PCDHGA11: variants seen among roughly 807,000 people sequenced by gnomAD.
PCDHGA11 encodes protocadherin gamma-A11.
In PCDHGA11, 39 loss-of-function variants were observed where a neutral mutation model predicts 60.4. The observed-to-expected ratio is 0.65, with a 90% CI of 0.50 to 0.84. PCDHGA11 has a LOEUF of 0.84. PCDHGA11 is among the 40% of genes least tolerant of loss of function. The pLI is 0.00. For missense variants in PCDHGA11, 1,165 were observed against 1,197.7 expected (o/e 0.97, Z 0.40); for synonymous variants, 533 against 510.3 (o/e 1.04, Z -0.60).
chr5:141,465,858 C>T (rs2099110865), intron 1 of PCDHGA11, among the ~76,000 whole-genome samples: 1 of 152,034 alleles, frequency 6.6e-6, no homozygotes, highest in African/African-American at 2.4e-5. Context: ...CCCAGTGGCT[C>T]ATGCCTGTAA....
intron 1 of PCDHGA11, among the ~76,000 whole-genome samples, chr5:141,456,052 C>T (rs2098841739): frequency 1.3e-5 from 2 of 151,970 alleles, no homozygotes; most frequent in South Asian, 4.1e-4. Flanking sequence ...CGCCCACCAC[C>T]ACGTCCGGCT....
At position 141,476,791 on chromosome 5, in the gene PCDHGA11, C is replaced by A. The variant is rs766227340; in HGVS notation, c.2434-18016C>A. 1 of 1,613,512 alleles carries A rather than the reference C, an allele frequency of 6.2e-7. No individual in the cohort carries two copies. Among genetic ancestry groups the A allele is most frequent in the Non-Finnish European group, 8.5e-7 (1 of 1,180,014 alleles). On this transcript the variant is annotated intron_variant, in intron 1 of 3. Transcript: ENST00000398587. This position sits in a 1 kb window ranked among gnomAD's most constrained non-coding sequence, Gnocchi z 7.6. ...TGGACGGAGGGACCCCAGCTCTCTC[C>A]GCCAGCCTGCCTATTCACATCAAGG...
intron 2 of PCDHGA11, 106 bp downstream of exon 2, chr5:141,494,971 C>T (rs1244836841): frequency 1.3e-6 from 2 of 1,583,382 alleles, no homozygotes; most frequent in African/African-American, 1.3e-5. Context: ...ATGGCTTCTC[C>T]CTCAGTTTGA....
intron 1 of PCDHGA11, among the ~76,000 whole-genome samples, chr5:141,451,804 C>G (rs914303400): frequency 9.2e-5 from 14 of 151,946 alleles, no homozygotes; most frequent in African/African-American, 3.4e-4. Context: ...TTGCTTGAAC[C>G]CAGGAGGCGG....
At chr5:141,496,249 A>G (rs1385823714) in intron 2 of PCDHGA11, among the ~76,000 whole-genome samples, 1 of 152,078 alleles carries the variant, frequency 6.6e-6, no homozygotes, top group East Asian at 1.9e-4. Context: ...GCTGAAGGGG[A>G]GGGAAACTTC....
In PCDHGA11 at chr5:141,423,642, T is replaced by C. The variant is rs1293550754; in HGVS notation, c.2415T>C (p.Cys805=). Residue 805 remains cysteine (C), a synonymous_variant, in exon 1 of 4, where the codon TGT becomes TGC. Coordinates refer to ENST00000398587, the MANE Select transcript of PCDHGA11 (RefSeq NM_018914.3). Reference sequence around the variant, plus strand: ...ACTCAGCTATCATTTTAGGCAAATGTGACCCGACAAGTAATCAGGTGAGAT... The same window carrying C: ...ACTCAGCTATCATTTTAGGCAAATGCGACCCGACAAGTAATCAGGTGAGAT... The part of the protein sequence containing the change: ...AEDSAIILGK[C]DPTSNQQAPP... 2 of 1,596,770 alleles carry C rather than the reference T, an allele frequency of 1.3e-6. No individual in the cohort carries two copies. The highest frequency in any genetic ancestry group is 2.7e-5 in the African/African-American group (2 of 74,276).
rs1337141924 is a variant in PCDHGA11, at chr5:141,512,916, CTAATATT to C, written c.*1746_*1752del. On this transcript the variant is annotated 3_prime_UTR_variant, in exon 4 of 4. Coordinates refer to ENST00000398587, the MANE Select transcript of PCDHGA11 (RefSeq NM_018914.3). The stretch of plus-strand genomic sequence containing the variant: ...CTGTGTCTCACGCAAGTTTTATACT[CTAATATT>C]TATATGGCTTTTTTTCTTCGACAAA... The C allele has an allele frequency of 1.3e-5, 2 of 152,206 alleles. No homozygotes were observed. Among genetic ancestry groups the C allele is most frequent in the Non-Finnish European group, 2.9e-5 (2 of 68,046 alleles). The allele number at this position is 152,206 out of a possible 1,614,324, so 9.4% of individuals were successfully genotyped here.
rs1297208780 is a variant in PCDHGA11 at position 141,486,613 on chromosome 5, T to C, written c.2434-8194T>C. 2 of 1,613,658 alleles carry C rather than the reference T, an allele frequency of 1.2e-6. No individual in the cohort carries two copies. The highest frequency in any genetic ancestry group is 2.7e-5 in the African/African-American group (2 of 75,074). On this transcript the variant is annotated intron_variant, in intron 1 of 3. Coordinates refer to ENST00000398587, the MANE Select transcript of PCDHGA11 (RefSeq NM_018914.3). The surrounding 1 kb of genome is among the most constrained non-coding windows in gnomAD (Gnocchi z 5.0). ...ACCTGCTTTGCTCCCTTGCAGCCTC[T>C]GACCCAGACTCTGGCTTGAATGCGC...
At position 141,476,749 on chromosome 5, in the gene PCDHGA11, G is replaced by C; in HGVS notation, c.2434-18058G>C. On this transcript the variant is annotated intron_variant, in intron 1 of 3. Transcript: ENST00000398587. The surrounding 1 kb of genome is among the most constrained non-coding windows in gnomAD (Gnocchi z 7.6). ...ACCGAGAACGGGAGCCTAGTCTCCA[G>C]TTAGTGCTGACGGCGTTGGACGGAG... is the stretch of plus-strand genomic sequence containing the variant. 1.9e-6 allele frequency: 3 copies of C among 1,614,042 alleles called. No homozygotes were observed. The highest frequency in any genetic ancestry group is 2.5e-6 in the Non-Finnish European group (3 of 1,180,038).
rs994878374 is a variant in PCDHGA11, at chr5:141,491,785, C to T, written c.2434-3022C>T. ...TCCTCATAAGGGATTGAACTTGCAT[C>T]CACTCCTCTCCGGCCGGCTTGGTCG... is the stretch of plus-strand genomic sequence containing the variant. On this transcript the variant is annotated intron_variant, in intron 1 of 3. Transcript: ENST00000398587. The surrounding 1 kb of genome is among the most constrained non-coding windows in gnomAD (Gnocchi z 6.9). 20 of 1,529,458 alleles carry T rather than the reference C, an allele frequency of 1.3e-5. No individual in the cohort carries two copies. Among genetic ancestry groups the T allele is most frequent in the Non-Finnish European group, 1.8e-5 (20 of 1,139,198 alleles). The allele number at this position is 1,529,458 out of a possible 1,614,324, so 94.7% of individuals were successfully genotyped here. A position where few individuals can be genotyped will look rare whatever the true frequency, so the allele number is the denominator to read the frequency against.
chr5:141,490,200 A>G lies in PCDHGA11; in HGVS notation c.2434-4607A>G. 6.2e-6 allele frequency: 10 copies of G among 1,614,198 alleles called. No homozygotes were observed. The highest frequency in any genetic ancestry group is 8.5e-6 in the Non-Finnish European group (10 of 1,180,032). ...AGTCACGTTTCTATGAAATTCATGC[A>G]AGAGCCCGTGACCAGGGACAGCCTG... On this transcript the variant is annotated intron_variant, in intron 1 of 3. Coordinates refer to ENST00000398587, the MANE Select transcript of PCDHGA11 (RefSeq NM_018914.3). The surrounding 1 kb of genome is among the most constrained non-coding windows in gnomAD (Gnocchi z 5.4).
Position 141,430,721 on chromosome 5 carries a change from T to C in PCDHGA11, c.2433+7061T>C, listed in dbSNP as rs2097305223. The C allele has an allele frequency of 3.4e-6, 5 of 1,489,270 alleles. No homozygotes were observed. The South Asian group carries it at 7.3e-5, about 22-fold the overall frequency. 92.3% of individuals were successfully genotyped at this position (1,489,270 alleles called of 1,614,324 possible). A position where few individuals can be genotyped will look rare whatever the true frequency, so the allele number is the denominator to read the frequency against. On this transcript the variant is annotated intron_variant, in intron 1 of 3. Coordinates refer to ENST00000398587, the MANE Select transcript of PCDHGA11 (RefSeq NM_018914.3). ...AGGAACTGCTCCTGACTTCAGTGGT[T>C]AAGGGCAGAATTGAAAATAATTCTG...
In PCDHGA11 at chr5:141,422,485, A is replaced by G; in HGVS notation, c.1258A>G (p.Asn420Asp). 2 of 1,613,980 alleles carry G rather than the reference A, an allele frequency of 1.2e-6. No homozygotes were observed. The highest frequency in any genetic ancestry group is 1.7e-6 in the Non-Finnish European group (2 of 1,179,872). The change falls in exon 1 of 4, where the codon AAT becomes GAT. Residue 420 changes from asparagine to aspartate, a missense_variant. Physicochemically the swap from Asn to Asp is conservative, Grantham distance 23. Transcript: ENST00000398587. ...VLDRELVQSY[N>D]ITLTATDQGS... ...GGACAGGGAGTTGGTCCAGAGCTAC[A>G]ATATAACGTTGACAGCCACAGACCA...
rs750082013 is a variant in PCDHGA11, at chr5:141,422,153, AT to A, written c.930del (p.Phe310LeufsTer26). On this transcript the variant is annotated frameshift_variant, in exon 1 of 4. Transcript: ENST00000398587. LOFTEE classifies it high-confidence loss of function. The part of the protein sequence containing the change: ...TGEVQVRGSL[D>X]FEKYRFYEME... ...GAAGTTCAAGTACGGGGGTCTCTGG[AT>A]TTTGAAAAATATAGATTCTATGAGA... 4 of 1,575,250 alleles carry A rather than the reference AT, an allele frequency of 2.5e-6. No individual in the cohort carries two copies. Among genetic ancestry groups the A allele is most frequent in the Non-Finnish European group, 3.4e-6 (4 of 1,166,272 alleles).
chr5:141,475,167 G>A (rs529813171), intron 1 of PCDHGA11, among the ~76,000 whole-genome samples: 4 of 152,042 alleles, frequency 2.6e-5, no homozygotes, highest in Admixed American at 6.6e-5. Flanking sequence ...CATTAGCAGT[G>A]CAACTTCTTG....
In PCDHGA11 at chr5:141,490,658, T is replaced by A. The variant is rs776806248; in HGVS notation, c.2434-4149T>A. The A allele has an allele frequency of 8.1e-6, 13 of 1,614,204 alleles. No homozygotes were observed. The South Asian group carries it at 1.4e-4, about 18-fold the overall frequency. ...GAAAACCGGCCTCCGGGCTCCCTTC[T>A]TTGCACTGTGGCTGCCTCAGATCCA... On this transcript the variant is annotated intron_variant, in intron 1 of 3. Transcript: ENST00000398587. The surrounding 1 kb of genome is among the most constrained non-coding windows in gnomAD (Gnocchi z 5.4).
At chr5:141,466,510 AT>A (rs1222513096) in intron 1 of PCDHGA11, among the ~76,000 whole-genome samples, 1 of 151,938 alleles carries the variant, frequency 6.6e-6, no homozygotes, top group Non-Finnish European at 1.5e-5. Context: ...AGACAAGATC[AT>A]TTTTTTTCCT....
rs143092131 is a variant in PCDHGA11 at position 141,421,297 on chromosome 5, C to T, written c.70C>T (p.Leu24=). 106 of 1,613,512 alleles carry T rather than the reference C, an allele frequency of 6.6e-5. No individual in the cohort carries two copies. The highest frequency in any genetic ancestry group is 8.5e-5 in the Non-Finnish European group (100 of 1,179,814). ...GCTGCTGTGCATTTTCCTGGGGACGCTGCGGGGGTTCCGGGCCAGGCAGAT... is the reference window on the plus strand; with the variant it reads ...GCTGCTGTGCATTTTCCTGGGGACGTTGCGGGGGTTCCGGGCCAGGCAGAT... The part of the protein sequence containing the change: ...LLLLCIFLGT[L]RGFRARQIRY... Residue 24 remains leucine, a synonymous_variant, in exon 1 of 4, where the codon CTG becomes TTG. Transcript: ENST00000398587.
Position 141,501,940 on chromosome 5 carries a change from C to T in PCDHGA11, c.2493-3453C>T, listed in dbSNP as rs565207980. Among the ~76,000 whole-genome samples the T allele has an allele frequency of 2.6e-5, 4 of 152,250 alleles. No individual in the cohort carries two copies. In the East Asian group the frequency reaches 7.7e-4, roughly 29 times the overall value. On this transcript the variant is annotated intron_variant, in intron 2 of 3. Transcript: ENST00000398587. ...CAGCTTTGTTCCCTCAACACCACTG[C>T]TCCCTGTGACAGGTCATCCTCCTAA...
Sources: gnomAD v4.1 joint callset for allele counts (sites outside exome capture counted in the v4.1 genomes callset) on GRCh38, gnomAD v4.1.1 for gene constraint, Gnocchi (gnomAD v3.1) non-coding constraint, MANE v1.5 for transcripts, NCBI Gene and HGNC (gene_info 2026-07-23, HGNC 2026-07-21) for gene names.